SPATS2L: variants seen among roughly 807,000 people sequenced by gnomAD.
SPATS2L encodes SPATS2-like protein.
SPATS2L carries 30 observed loss-of-function variants against 59.6 expected under a neutral mutation model. The observed-to-expected ratio is 0.50, with a 90% CI of 0.38 to 0.68. The LOEUF (loss-of-function observed/expected upper bound fraction) is 0.68, where lower values mean the gene tolerates loss of function less well. Among genes scored for constraint, SPATS2L ranks in the 30% least tolerant of loss-of-function variants. SPATS2L has a pLI of 0.00. For missense variants in SPATS2L, 615 were observed against 700.0 expected, an observed-to-expected ratio of 0.88 and a Z score of 1.37; for synonymous variants, 252 against 263.5, an observed-to-expected ratio of 0.96 and a Z score of 0.42.
chr2:200,310,396 C>G (rs1257829185), intron 1 of SPATS2L, among the ~76,000 whole-genome samples: 1 of 152,142 alleles, frequency 6.6e-6, no homozygotes, highest in African/African-American at 2.4e-5. Context: ...TGAGCCACCC[C>G]TGCATTTCGT....
In SPATS2L at chr2:200,418,585, A is replaced by T. The variant is rs960291982; in HGVS notation, c.199-665A>T. ...CCAGAGTGAGACCTTATTAAATAAT[A>T]AATAAATAAATAAATAAATAAATAA... On this transcript the variant is annotated intron_variant, in intron 5 of 12. Coordinates refer to ENST00000409140, the MANE Select transcript of SPATS2L (RefSeq NM_001100423.2). 8.6e-5 allele frequency among the ~76,000 whole-genome samples: 5 copies of T among 58,348 alleles called. No homozygotes were observed. The South Asian group carries it at 2.5e-3, about 29-fold the overall frequency. The allele number at this position is 58,348 out of a possible 152,430, so 38.3% of individuals were successfully genotyped here.
chr2:200,325,007 C>A (rs2079688059), intron 1 of SPATS2L, among the ~76,000 whole-genome samples: 1 of 152,112 alleles, frequency 6.6e-6, no homozygotes, highest in Admixed American at 6.6e-5. Flanking sequence ...CCAAGGGCAA[C>A]AACTCCCCAA....
In SPATS2L at chr2:200,414,767, A is replaced by G. The variant is rs528747287; in HGVS notation, c.149-1612A>G. Among the ~76,000 whole-genome samples the G allele has an allele frequency of 8.5e-5, 13 of 152,364 alleles. No homozygotes were observed. In the South Asian group the frequency reaches 2.5e-3, roughly 29 times the overall value. On this transcript the variant is annotated intron_variant, in intron 4 of 12. Transcript: ENST00000409140. ...CTCCAAGCCGTTTCAGTATAATTAA[A>G]ATTTAATAATAACAGTTTCAAAATC...
intron 6 of SPATS2L, among the ~76,000 whole-genome samples, chr2:200,422,570 T>C (rs149998763): frequency 0.011 from 1,633 of 148,862 alleles, 34 homozygotes; most frequent in African/African-American, 0.038. Flanking sequence ...GAAGAAGAAA[T>C]GATGGTAATG....
chr2:200,445,946 C>A (rs561916164), intron 8 of SPATS2L, among the ~76,000 whole-genome samples: 1 of 152,038 alleles, frequency 6.6e-6, no homozygotes, highest in Non-Finnish European at 1.5e-5. Flanking sequence ...CTTTCCATAC[C>A]AAAGTATATG....
chr2:200,385,863 T>G (rs1171089235), intron 2 of SPATS2L, among the ~76,000 whole-genome samples: 1 of 152,064 alleles, frequency 6.6e-6, no homozygotes, highest in Non-Finnish European at 1.5e-5. Flanking sequence ...CAGCTAATTT[T>G]TTTGTATTTT....
chr2:200,335,995 A>G (rs1025015267), intron 2 of SPATS2L, among the ~76,000 whole-genome samples: 5 of 152,214 alleles, frequency 3.3e-5, no homozygotes, highest in Admixed American at 3.3e-4. Flanking sequence ...ATTGTGAAAT[A>G]TATTGTGCCT....
chr2:200,339,466 A>C (rs2080251018), intron 2 of SPATS2L, among the ~76,000 whole-genome samples: 1 of 152,180 alleles, frequency 6.6e-6, no homozygotes, highest in Non-Finnish European at 1.5e-5. Flanking sequence ...TCTTAATGAG[A>C]TGTGTTTAAT....
chr2:200,458,077 T>G (rs928357213), intron 8 of SPATS2L, among the ~76,000 whole-genome samples: 1 of 152,194 alleles, frequency 6.6e-6, no homozygotes, highest in Non-Finnish European at 1.5e-5. Flanking sequence ...TGAAGGATGC[T>G]AAGGAACCAA....
chr2:200,444,388 A>C (rs549878891), intron 8 of SPATS2L, among the ~76,000 whole-genome samples: 1 of 152,298 alleles, frequency 6.6e-6, no homozygotes, highest in Admixed American at 6.5e-5. Context: ...AGTATTCCAA[A>C]ATAGAGCTGT....
intron 6 of SPATS2L, among the ~76,000 whole-genome samples, chr2:200,427,728 T>G (rs1410797386): frequency 6.6e-6 from 1 of 152,192 alleles, no homozygotes; most frequent in African/African-American, 2.4e-5. Context: ...ACTGACATTG[T>G]GTCTGCTGCA....
intron 2 of SPATS2L, chr2:200,351,416 A>G: frequency 2.4e-6 from 1 of 419,204 alleles, no homozygotes; most frequent in African/African-American, 2.1e-5. Context: ...ACTTTTCAAA[A>G]TCCTGAGAAA....
At chr2:200,435,816 A>G (rs988891899) in intron 6 of SPATS2L, among the ~76,000 whole-genome samples, 1 of 152,190 alleles carries the variant, frequency 6.6e-6, no homozygotes, top group Non-Finnish European at 1.5e-5. Flanking sequence ...CATAGTATGT[A>G]TATAATTTTA....
chr2:200,466,370 C>T (rs1218739525), intron 9 of SPATS2L, among the ~76,000 whole-genome samples: 1 of 152,164 alleles, frequency 6.6e-6, no homozygotes, highest in African/African-American at 2.4e-5. Context: ...AATTAGAGAG[C>T]CAGAAGTCTA....
At chr2:200,379,560 A>C (rs957951941) in intron 2 of SPATS2L, among the ~76,000 whole-genome samples, 7 of 152,196 alleles carry the variant, frequency 4.6e-5, no homozygotes, top group Non-Finnish European at 7.3e-5. Context: ...GAAAGGAAGA[A>C]AGGGAACACA....
chr2:200,391,656 G>C, intron 3 of SPATS2L, among the ~76,000 whole-genome samples: 1 of 152,194 alleles, frequency 6.6e-6, no homozygotes, highest in East Asian at 1.9e-4. Context: ...ATTAGCGACT[G>C]TGCTACATAT....
intron 8 of SPATS2L, among the ~76,000 whole-genome samples, chr2:200,450,135 T>C (rs2085337778): frequency 6.6e-6 from 1 of 152,212 alleles, no homozygotes; most frequent in Non-Finnish European, 1.5e-5. Context: ...TTTAACTCCT[T>C]CTCAGCTACA....
chr2:200,362,428 G>A (rs2081137611), intron 2 of SPATS2L, among the ~76,000 whole-genome samples: 1 of 152,210 alleles, frequency 6.6e-6, no homozygotes, highest in South Asian at 2.1e-4. Flanking sequence ...CTTCTGGCAG[G>A]TTGTCCTGTC....
rs531467443 is a variant in SPATS2L, at chr2:200,334,341, C to G, written c.-23+4861C>G. Among the ~76,000 whole-genome samples the G allele has an allele frequency of 8.5e-5, 13 of 152,264 alleles. No individual in the cohort carries two copies. The South Asian group carries it at 1.5e-3, about 17-fold the overall frequency. Reference sequence around the variant, plus strand: ...AGTGTCTGTTCATATCCTTCACCCACTTTTTGATGGGGTTGTTTGTTTTTT... The same window carrying G: ...AGTGTCTGTTCATATCCTTCACCCAGTTTTTGATGGGGTTGTTTGTTTTTT... On this transcript the variant is annotated intron_variant, in intron 2 of 12. Coordinates refer to ENST00000409140, the MANE Select transcript of SPATS2L (RefSeq NM_001100423.2).
Sources: allele counts gnomAD v4.1 joint callset (sites outside exome capture counted in the v4.1 genomes callset), GRCh38; gene constraint gnomAD v4.1.1; transcripts MANE v1.5; gene names NCBI Gene and HGNC (gene_info 2026-07-23, HGNC 2026-07-21).